The following LRRC20 variants were observed in gnomAD, a reference collection of about 807,000 sequenced individuals.
LRRC20 encodes leucine-rich repeat-containing protein 20.
Under a neutral mutation model 14.4 loss-of-function variants are expected in LRRC20, and 11 were observed. The ratio of observed to expected loss-of-function variants is 0.77; its 90% CI spans 0.48 to 1.27. The LOEUF (loss-of-function observed/expected upper bound fraction) is 1.27. Ranked by LOEUF, LRRC20 falls within the 50% of genes most tolerant of loss-of-function variation. The pLI, the probability that LRRC20 is intolerant of heterozygous loss-of-function variation, is 0.00. For missense variants in LRRC20, 219 were observed against 251.2 expected (o/e 0.87, Z 0.87); for synonymous variants, 121 against 107.3 (o/e 1.13, Z -0.79).
chr10:70,301,510 T>C lies in LRRC20; in HGVS notation c.401-2A>G. 6.2e-7 allele frequency: 1 copy of C among 1,613,696 alleles called. No homozygotes were observed. Among genetic ancestry groups the C allele is most frequent in the Non-Finnish European group, 8.5e-7 (1 of 1,179,862 alleles). On this transcript the variant is annotated splice_acceptor_variant, in intron 4 of 4. Coordinates refer to ENST00000446961, the MANE Select transcript of LRRC20 (RefSeq NM_001278212.2). LOFTEE classifies it high-confidence loss of function. ...CGGCCAGCTTCTCCACGGGCACATC[T>C]ATTGGGGACAGAATGGACAGGTTAG...
At chr10:70,327,130 G>A (rs1048013042) in intron 3 of LRRC20, among the ~76,000 whole-genome samples, 5 of 152,212 alleles carry the variant, frequency 3.3e-5, no homozygotes, top group Admixed American at 6.5e-5. Flanking sequence ...TGGCCGATGC[G>A]GCCGTGGAAG....
At chr10:70,373,935 C>T (rs1050789480) in intron 2 of LRRC20, among the ~76,000 whole-genome samples, 2 of 152,184 alleles carry the variant, frequency 1.3e-5, no homozygotes, top group South Asian at 2.1e-4. Flanking sequence ...CTGCCCTAGC[C>T]GCCCTGCACA....
chr10:70,349,911 T>C (rs996408679), intron 2 of LRRC20, among the ~76,000 whole-genome samples: 6 of 152,146 alleles, frequency 3.9e-5, no homozygotes, highest in African/African-American at 1.2e-4. Flanking sequence ...TTGGGATGTT[T>C]AGGGTCACCC....
At chr10:70,321,844 C>A (rs1842088075) in intron 4 of LRRC20, among the ~76,000 whole-genome samples, 1 of 151,032 alleles carries the variant, frequency 6.6e-6, no homozygotes, top group Non-Finnish European at 1.5e-5. Context: ...AGACCATCAC[C>A]CTGTGGATGT....
At chr10:70,301,988 C>T (rs955758178) in intron 4 of LRRC20, among the ~76,000 whole-genome samples, 1 of 152,056 alleles carries the variant, frequency 6.6e-6, no homozygotes, top group Admixed American at 6.6e-5. Flanking sequence ...AACGCAATTC[C>T]GATACAGGTT....
intron 3 of LRRC20, among the ~76,000 whole-genome samples, chr10:70,339,361 A>G (rs1002188616): frequency 6.6e-6 from 1 of 152,182 alleles, no homozygotes; most frequent in African/African-American, 2.4e-5. Context: ...CCTTAAGTTC[A>G]AGGTGCAAGG....
At chr10:70,326,257 A>G (rs929292544) in intron 3 of LRRC20, among the ~76,000 whole-genome samples, 1 of 150,914 alleles carries the variant, frequency 6.6e-6, no homozygotes, top group Non-Finnish European at 1.5e-5. Context: ...GTATCCCTAC[A>G]GTGAAAACTG....
chr10:70,370,765 G>T (rs1489137816), intron 2 of LRRC20, among the ~76,000 whole-genome samples: 1 of 151,796 alleles, frequency 6.6e-6, no homozygotes, highest in Non-Finnish European at 1.5e-5. Flanking sequence ...AAGCAGTAAA[G>T]ATTTAAAACA....
Position 70,327,349 on chromosome 10 carries a change from C to T in LRRC20, c.233-3319G>A, listed in dbSNP as rs553722494. On this transcript the variant is annotated intron_variant, in intron 3 of 4. Coordinates refer to ENST00000446961, the MANE Select transcript of LRRC20 (RefSeq NM_001278212.2). The stretch of plus-strand genomic sequence containing the variant: ...CAGCAGTTTGGGAGGCTGAGGCAGA[C>T]GGATCACTTGAGATCAAGAGTTCGA... 5.5e-4 allele frequency among the ~76,000 whole-genome samples: 65 copies of T among 118,578 alleles called. 1 individual carries two copies. In the South Asian group the frequency reaches 0.016, roughly 28 times the overall value. The allele number at this position is 118,578 out of a possible 152,430, so 77.8% of individuals were successfully genotyped here. A position where few individuals can be genotyped will look rare whatever the true frequency, so the allele number is the denominator to read the frequency against.
chr10:70,302,785 A>C (rs954384650), intron 4 of LRRC20, among the ~76,000 whole-genome samples: 2 of 148,924 alleles, frequency 1.3e-5, no homozygotes, highest in Non-Finnish European at 3.0e-5. Context: ...ATCTCGACTC[A>C]CTGCAAGCTC....
chr10:70,324,107 C>T, intron 3 of LRRC20, 77 bp from the exon 4 acceptor site: 1 of 1,396,360 alleles, frequency 7.2e-7, no homozygotes, highest in Non-Finnish European at 1.0e-6. Context: ...CCCGCTGTGG[C>T]TCTCACCCTG....
chr10:70,302,956 C>T (rs1157076042), intron 4 of LRRC20, among the ~76,000 whole-genome samples: 5 of 151,778 alleles, frequency 3.3e-5, no homozygotes, highest in Admixed American at 6.6e-5. Context: ...GTGATCCGCC[C>T]GTCTCGGCCT....
chr10:70,379,378 C>T (rs932558729), intron 1 of LRRC20, among the ~76,000 whole-genome samples: 2 of 152,162 alleles, frequency 1.3e-5, no homozygotes, highest in African/African-American at 4.8e-5. Context: ...AATGGGAAAG[C>T]TGAGGACCCA....
intron 4 of LRRC20, among the ~76,000 whole-genome samples, chr10:70,318,816 T>G (rs1841972227): frequency 6.6e-6 from 1 of 152,114 alleles, no homozygotes; most frequent in Admixed American, 6.6e-5. Flanking sequence ...GTTTTTGTTT[T>G]TTGTTTTTTG....
intron 2 of LRRC20, among the ~76,000 whole-genome samples, chr10:70,350,339 A>T (rs1483843166): frequency 2.6e-5 from 4 of 152,186 alleles, no homozygotes; most frequent in African/African-American, 4.8e-5. Flanking sequence ...TCCTAATTAC[A>T]ATTATTATTG....
intron 2 of LRRC20, among the ~76,000 whole-genome samples, chr10:70,361,954 A>C (rs932139629): frequency 3.3e-5 from 5 of 152,248 alleles, no homozygotes; most frequent in African/African-American, 1.2e-4. Context: ...TGGGAGGCCA[A>C]GGCAGGTGGA....
At chr10:70,367,158 C>G (rs1844034844) in intron 2 of LRRC20, among the ~76,000 whole-genome samples, 1 of 151,778 alleles carries the variant, frequency 6.6e-6, no homozygotes, top group South Asian at 2.1e-4. Flanking sequence ...GACCCCATCT[C>G]TACAAAAAAT....
chr10:70,306,783 T>C (rs1237312935), intron 4 of LRRC20, among the ~76,000 whole-genome samples: 1 of 152,208 alleles, frequency 6.6e-6, no homozygotes, highest in Non-Finnish European at 1.5e-5. Context: ...AGACTTAGCA[T>C]CCACTAAAGA....
At chr10:70,348,108 C>A (rs1432260329) in intron 2 of LRRC20, among the ~76,000 whole-genome samples, 1 of 152,162 alleles carries the variant, frequency 6.6e-6, no homozygotes, top group Non-Finnish European at 1.5e-5. Flanking sequence ...CCCTCCAGTA[C>A]CCACCAGAGG....
Sources: allele counts gnomAD v4.1 joint callset (sites outside exome capture counted in the v4.1 genomes callset), GRCh38; gene constraint gnomAD v4.1.1; transcripts MANE v1.5; gene names NCBI Gene and HGNC (gene_info 2026-07-23, HGNC 2026-07-21).